ACAD9: variants seen among roughly 807,000 people sequenced by gnomAD.
The protein encoded by ACAD9 is complex I assembly factor ACAD9, mitochondrial.
A neutral mutation model predicts 70.2 loss-of-function variants in ACAD9; 53 were observed. That is an observed-to-expected ratio of 0.75 (90% CI 0.61 to 0.95). ACAD9 has a LOEUF of 0.95. Ranked by LOEUF, ACAD9 falls within the 40% of genes least tolerant of loss-of-function variation. The pLI, the probability that ACAD9 is intolerant of heterozygous loss-of-function variation, is 0.00. For synonymous variants in ACAD9, 313 were observed against 312.1 expected, an observed-to-expected ratio of 1.00 and a Z score of -0.03; for missense variants, 777 against 802.8, an observed-to-expected ratio of 0.97 and a Z score of 0.39.
chr3:128,903,317 T>C (rs1935796068), intron 9 of ACAD9, among the ~76,000 whole-genome samples: 1 of 152,164 alleles, frequency 6.6e-6, no homozygotes, highest in Admixed American at 6.5e-5. Context: ...AGACAGAGAC[T>C]CAGAGAGGGC....
chr3:128,887,138 T>A (rs1481817624), intron 2 of ACAD9, among the ~76,000 whole-genome samples: 1 of 152,100 alleles, frequency 6.6e-6, no homozygotes, highest in East Asian at 1.9e-4. Flanking sequence ...TTGGCCAGGC[T>A]GGTCTTGAAC....
At position 128,902,561 on chromosome 3, in the gene ACAD9, G is replaced by A; in HGVS notation, c.891G>A (p.Met297Ile). ...CCCTGTTCTCCCTGCAGGTGGCCAT[G>A]AACATCCTCAACAGCGGCCGGTTCA... is the stretch of plus-strand genomic sequence containing the variant. The part of the protein sequence containing the change: ...GEVGDGFKVA[M>I]NILNSGRFSM... Residue 297 changes from methionine to isoleucine, a missense_variant, in exon 9 of 18, where the codon ATG becomes ATA. Met to Ile is a conservative substitution (Grantham distance 10, BLOSUM62 1). Coordinates refer to ENST00000308982, the MANE Select transcript of ACAD9 (RefSeq NM_014049.5). This position sits in a 1 kb window ranked among gnomAD's most constrained non-coding sequence, Gnocchi z 4.0. 6.8e-6 allele frequency: 11 copies of A among 1,614,166 alleles called. No homozygotes were observed. The highest frequency in any genetic ancestry group is 9.3e-6 in the Non-Finnish European group (11 of 1,179,998).
chr3:128,903,354 T>G (rs1935797269), intron 9 of ACAD9, among the ~76,000 whole-genome samples: 1 of 152,200 alleles, frequency 6.6e-6, no homozygotes, highest in East Asian at 1.9e-4. Context: ...ACTGTGCTCC[T>G]GGACCCAAAA....
At position 128,879,647 on chromosome 3, in the gene ACAD9, C is replaced by CCAAG; in HGVS notation, c.-45_-44insCAAG. 6.2e-7 allele frequency: 1 copy of CCAAG among 1,609,114 alleles called. No individual in the cohort carries two copies. The highest frequency in any genetic ancestry group is 8.5e-7 in the Non-Finnish European group (1 of 1,177,796). On this transcript the variant is annotated 5_prime_UTR_variant, in exon 1 of 18. Transcript: ENST00000308982. ...CAGACGTGTGTGTGTCCCTGCGGCGCTAAGAAGGGGAGACTGAGGCTGAGG... is the reference window on the plus strand; with the variant it reads ...CAGACGTGTGTGTGTCCCTGCGGCGCCAAGTAAGAAGGGGAGACTGAGGCTGAGG...
chr3:128,904,321 C>G, intron 10 of ACAD9, 65 bp from the exon 11 acceptor site: 4 of 1,613,764 alleles, frequency 2.5e-6, no homozygotes, highest in Non-Finnish European at 2.5e-6. Flanking sequence ...ACTTTCTCTC[C>G]TGTTTCACAG....
intron 7 of ACAD9, among the ~76,000 whole-genome samples, chr3:128,900,825 T>C (rs1208216297): frequency 6.6e-6 from 1 of 152,124 alleles, no homozygotes; most frequent in Non-Finnish European, 1.5e-5. Context: ...TGTGATTGTG[T>C]TAGAGTTAAG....
intron 2 of ACAD9, among the ~76,000 whole-genome samples, chr3:128,889,876 C>T (rs1935366257): frequency 6.6e-6 from 1 of 152,094 alleles, no homozygotes; most frequent in Non-Finnish European, 1.5e-5. Context: ...GGCTGGAGTG[C>T]AGTGGTGTGA....
intron 7 of ACAD9, 123 bp downstream of exon 7, chr3:128,899,584 A>G (rs1026317500): frequency 1.1e-5 from 12 of 1,112,756 alleles, no homozygotes; most frequent in African/African-American, 1.6e-5. Flanking sequence ...CTGGCCCTTG[A>G]CTCTGTCCAA....
At chr3:128,887,640 A>T (rs1422178669) in intron 2 of ACAD9, among the ~76,000 whole-genome samples, 3 of 85,192 alleles carry the variant, frequency 3.5e-5, no homozygotes, top group African/African-American at 9.9e-5. Context: ...TAAAAAAATA[A>T]ATAAATATAT....
rs367985938 is a variant in ACAD9 at position 128,904,510 on chromosome 3, C to A, written c.1149+5C>A. The A allele has an allele frequency of 2.7e-5, 43 of 1,613,468 alleles. No individual in the cohort carries two copies. The African/African-American group carries it at 4.5e-4, about 17-fold the overall frequency. On this transcript the variant is annotated splice_donor_5th_base_variant and intron_variant, in intron 11 of 17. Coordinates refer to ENST00000308982, the MANE Select transcript of ACAD9 (RefSeq NM_014049.5). ...ATCGAGGCAGCCATGGTGAAGGTAA[C>A]CCTGGCATAGCCAGAGAGCTGGCGC...
intron 2 of ACAD9, among the ~76,000 whole-genome samples, 180 bp downstream of exon 2, chr3:128,884,926 G>T (rs1468892372): frequency 6.6e-6 from 1 of 152,178 alleles, no homozygotes; most frequent in Non-Finnish European, 1.5e-5. Flanking sequence ...CCAGTTAAAT[G>T]CTTCTCATTG....
chr3:128,893,145 A>G (rs1324864086), intron 2 of ACAD9, among the ~76,000 whole-genome samples: 2 of 151,830 alleles, frequency 1.3e-5, no homozygotes, highest in Non-Finnish European at 2.9e-5. Context: ...CAGGAGTTCA[A>G]GACCAGCCTG....
At chr3:128,891,525 G>T (rs1159466426) in intron 2 of ACAD9, among the ~76,000 whole-genome samples, 1 of 152,222 alleles carries the variant, frequency 6.6e-6, no homozygotes, top group South Asian at 2.1e-4. Flanking sequence ...GGAGGCTGAG[G>T]CAGGAGAACC....
chr3:128,894,332 G>C (rs182688570), intron 3 of ACAD9, among the ~76,000 whole-genome samples: 1 of 152,172 alleles, frequency 6.6e-6, no homozygotes, highest in African/African-American at 2.4e-5. Flanking sequence ...TGGATACTGG[G>C]CAGTGGGTCA....
In ACAD9 at chr3:128,903,916, G is replaced by T. The variant is rs1043239045; in HGVS notation, c.959-146G>T. On this transcript the variant is annotated intron_variant, in intron 9 of 17. Coordinates refer to ENST00000308982, the MANE Select transcript of ACAD9 (RefSeq NM_014049.5). ...TGACCCACGGGTGCTGGCAAGTGGGGGTGCCAGCTTCTGGGGTATTTGACC... is the reference window on the plus strand; with the variant it reads ...TGACCCACGGGTGCTGGCAAGTGGGTGTGCCAGCTTCTGGGGTATTTGACC... 5 of 797,968 alleles carry T rather than the reference G, an allele frequency of 6.3e-6. No homozygotes were observed. In the East Asian group the frequency reaches 1.1e-4, roughly 17 times the overall value. 49.4% of individuals were successfully genotyped at this position (797,968 alleles called of 1,614,324 possible).
At chr3:128,882,860 G>T (rs150202766) in intron 1 of ACAD9, among the ~76,000 whole-genome samples, 1 of 152,042 alleles carries the variant, frequency 6.6e-6, no homozygotes, top group Admixed American at 6.6e-5. Flanking sequence ...TTTCTCCCAC[G>T]CCCCTGCAAT....
chr3:128,896,324 T>C (rs1355281685), intron 4 of ACAD9, 112 bp from the exon 5 acceptor site: 1 of 1,165,522 alleles, frequency 8.6e-7, no homozygotes, highest in Admixed American at 2.0e-5. Flanking sequence ...GAGTTCTTGC[T>C]GTCTTCTCTT....
chr3:128,880,590 A>G (rs185139878), intron 1 of ACAD9, among the ~76,000 whole-genome samples: 133 of 149,484 alleles, frequency 8.9e-4, no homozygotes, highest in Admixed American at 2.7e-3. Context: ...GGGTTTCACC[A>G]TGTTGGCCAA....
intron 13 of ACAD9, 151 bp downstream of exon 13, chr3:128,908,415 G>A: frequency 5.4e-6 from 5 of 930,774 alleles, no homozygotes; most frequent in Middle Eastern, 2.6e-4. Flanking sequence ...CCCTGTGGTA[G>A]TGGGGGGCTT....
Sources: allele counts gnomAD v4.1 joint callset (sites outside exome capture counted in the v4.1 genomes callset), GRCh38; gene constraint gnomAD v4.1.1; non-coding constraint Gnocchi (gnomAD v3.1); transcripts MANE v1.5; gene names NCBI Gene and HGNC (gene_info 2026-07-23, HGNC 2026-07-21).